The following ZNF727 variants were observed in gnomAD, a reference collection of about 807,000 sequenced individuals.
ZNF727 encodes the protein putative zinc finger protein 727.
A neutral mutation model predicts 11.5 loss-of-function variants in ZNF727; 11 were observed. That is an observed-to-expected ratio of 0.95 (90% confidence interval 0.60 to 1.58). The LOEUF (loss-of-function observed/expected upper bound fraction) is 1.58. Ranked by LOEUF, ZNF727 falls within the 40% of genes most tolerant of loss-of-function variation. The pLI is 0.00. For missense variants in ZNF727, 533 were observed against 581.7 expected (o/e 0.92, Z 0.86); for synonymous variants, 171 against 196.1 (o/e 0.87, Z 1.07).
chr7:64,062,801 ATT>A (rs1025177186), intron 1 of ZNF727, among the ~76,000 whole-genome samples: 1 of 139,508 alleles, frequency 7.2e-6, no homozygotes. Flanking sequence ...TCTTGAGGCT[ATT>A]TTTTTTTTGT....
Position 64,047,171 on chromosome 7 carries a change from A to G in ZNF727, c.3+1547A>G, listed in dbSNP as rs377342179. ...GTTTGGCAAGCAGGGTCTCAAATCCAAAACTTCTCCCAGCCTAACTGTTAT... is the reference window on the plus strand; with the variant it reads ...GTTTGGCAAGCAGGGTCTCAAATCCGAAACTTCTCCCAGCCTAACTGTTAT... On this transcript the variant is annotated intron_variant, in intron 1 of 3. Coordinates refer to ENST00000456806, the MANE Select transcript of ZNF727 (RefSeq NM_001159522.3). Among the ~76,000 whole-genome samples, 195 of 152,300 alleles carry G rather than the reference A, an allele frequency of 1.3e-3. 1 individual carries two copies. The highest frequency in any genetic ancestry group is 4.4e-3 in the African/African-American group (184 of 41,554).
chr7:64,077,565 C>A lies in ZNF727; in HGVS notation c.516C>A (p.Cys172Ter). The A allele has an allele frequency of 6.4e-7, 1 of 1,551,376 alleles. No individual in the cohort carries two copies. Among genetic ancestry groups the A allele is most frequent in the Non-Finnish European group, 8.7e-7 (1 of 1,146,794 alleles). The change falls in exon 4 of 4, where the codon TGC becomes TGA. Residue 172 changes from cysteine (C) to a stop codon, truncating the protein, a stop_gained. Transcript: ENST00000456806. LOFTEE classifies it low-confidence loss of function (END_TRUNC). ...AGAAAATTTTTAGCAGAGAGAAATG[C>A]TACAAATGTGAAGAATGTGGCAAAG... ...EHKKIFSREK[C>*]YKCEECGKDC...
intron 3 of ZNF727, among the ~76,000 whole-genome samples, chr7:64,072,053 T>G (rs1205525663): frequency 6.6e-6 from 1 of 152,210 alleles, no homozygotes; most frequent in African/African-American, 2.4e-5. Context: ...AAAACTGCTT[T>G]GGCTATTTAA....
rs1789486476 is a variant in ZNF727 at position 64,045,500 on chromosome 7, A to G, written c.-122A>G. On this transcript the variant is annotated 5_prime_UTR_variant, in exon 1 of 4. Coordinates refer to ENST00000456806, the MANE Select transcript of ZNF727 (RefSeq NM_001159522.3). ...GGCTCTGAGTCCAGTACCCGTCTGT[A>G]CTATTCCATCTCTTCCGCTCCATTA... The G allele has an allele frequency of 7.4e-7, 1 of 1,348,406 alleles. No individual in the cohort carries two copies. Among genetic ancestry groups the G allele is most frequent in the Non-Finnish European group, 1.0e-6 (1 of 962,562 alleles). 83.5% of individuals were successfully genotyped at this position (1,348,406 alleles called of 1,614,324 possible). A position where few individuals can be genotyped will look rare whatever the true frequency, so the allele number is the denominator to read the frequency against.
Position 64,080,892 on chromosome 7 carries a change from G to GTT in ZNF727, c.*2353_*2354dup, listed in dbSNP as rs145426066. Among the ~76,000 whole-genome samples the GTT allele has an allele frequency of 1.5e-4, 21 of 139,618 alleles. No individual in the cohort carries two copies. Among genetic ancestry groups the GTT allele is most frequent in the Non-Finnish European group, 2.2e-4 (14 of 64,618 alleles). The allele number at this position is 139,618 out of a possible 152,430, so 91.6% of individuals were successfully genotyped here. A position where few individuals can be genotyped will look rare whatever the true frequency, so the allele number is the denominator to read the frequency against. ...TTTTTGTTTTTTGTTTTTTGTTTTT[G>GTT]TTTTTTTTTTTGTGGTGGTGGAGGG... On this transcript the variant is annotated 3_prime_UTR_variant, in exon 4 of 4. Transcript: ENST00000456806.
intron 1 of ZNF727, 46 bp from the exon 2 acceptor site, chr7:64,068,845 A>C: frequency 6.4e-7 from 1 of 1,552,778 alleles, no homozygotes; most frequent in Non-Finnish European, 8.7e-7. Flanking sequence ...ATGTCAAATC[A>C]AGAATTATTT....
chr7:64,076,382 G>A (rs536828227), intron 3 of ZNF727, among the ~76,000 whole-genome samples: 7 of 152,164 alleles, frequency 4.6e-5, no homozygotes, highest in African/African-American at 1.2e-4. Flanking sequence ...TGGTCCAGGC[G>A]GGCGGATCAC....
intron 1 of ZNF727, among the ~76,000 whole-genome samples, chr7:64,048,616 A>G (rs1188222301): frequency 2.0e-5 from 3 of 152,244 alleles, no homozygotes; most frequent in Non-Finnish European, 2.9e-5. Context: ...GCCACTATAC[A>G]TACATATCTT....
Position 64,083,217 on chromosome 7 carries a change from TC to T in ZNF727, c.*4670del, listed in dbSNP as rs1785820707. Among the ~76,000 whole-genome samples the T allele has an allele frequency of 6.6e-6, 1 of 152,146 alleles. No individual in the cohort carries two copies. The highest frequency in any genetic ancestry group is 6.5e-5 in the Admixed American group (1 of 15,286). ...AGAGCGCCTGTACTGTGCTAGGAGA[TC>T]CTTTCTGTCCCCGATCAGCTTGGGC... On this transcript the variant is annotated 3_prime_UTR_variant, in exon 4 of 4. Coordinates refer to ENST00000456806, the MANE Select transcript of ZNF727 (RefSeq NM_001159522.3).
At chr7:64,075,950 A>G (rs745785364) in intron 3 of ZNF727, among the ~76,000 whole-genome samples, 106 of 152,338 alleles carry the variant, frequency 7.0e-4, no homozygotes, top group Non-Finnish European at 2.1e-4. Context: ...TTTAAAATGC[A>G]TGGCTATCTA....
intron 1 of ZNF727, among the ~76,000 whole-genome samples, chr7:64,058,970 A>T: frequency 7.3e-6 from 1 of 136,378 alleles, no homozygotes; most frequent in East Asian, 3.0e-4. Flanking sequence ...TTTGAGACGG[A>T]GTCTCGATCA....
chr7:64,047,235 C>G (rs1430445629), intron 1 of ZNF727, among the ~76,000 whole-genome samples: 1 of 152,206 alleles, frequency 6.6e-6, no homozygotes, highest in African/African-American at 2.4e-5. Context: ...ATTTCTTTCC[C>G]ACATTCCCCA....
intron 1 of ZNF727, among the ~76,000 whole-genome samples, chr7:64,054,884 G>A (rs1415564417): frequency 6.6e-6 from 1 of 152,052 alleles, no homozygotes; most frequent in East Asian, 1.9e-4. Flanking sequence ...GATGTCTCTA[G>A]GATGTTACAA....
At chr7:64,063,828 A>G (rs937644605) in intron 1 of ZNF727, among the ~76,000 whole-genome samples, 3 of 152,090 alleles carry the variant, frequency 2.0e-5, no homozygotes, top group Non-Finnish European at 2.9e-5. Flanking sequence ...CTTAGCTGGC[A>G]CCGAAGCCAT....
chr7:64,078,270 C>T lies in ZNF727; in HGVS notation c.1221C>T (p.Cys407=). 1 of 1,598,692 alleles carries T rather than the reference C, an allele frequency of 6.3e-7. No individual in the cohort carries two copies. The highest frequency in any genetic ancestry group is 8.5e-7 in the Non-Finnish European group (1 of 1,172,432). Residue 407 remains cysteine (C), a synonymous_variant, in exon 4 of 4, where the codon TGC becomes TGT. Transcript: ENST00000456806. Reference sequence around the variant, plus strand: ...AAGAATGTGGCAAAAGCTTTACCTGCTCCTCAAACCTTATTAAACACAAGA... The same window carrying T: ...AAGAATGTGGCAAAAGCTTTACCTGTTCCTCAAACCTTATTAAACACAAGA... The part of the protein sequence containing the change: ...KCEECGKSFT[C]SSNLIKHKRI...
intron 1 of ZNF727, among the ~76,000 whole-genome samples, chr7:64,055,951 A>G (rs1240826697): frequency 2.6e-5 from 4 of 152,166 alleles, no homozygotes; most frequent in African/African-American, 2.4e-5. Flanking sequence ...TTTTCAAGAA[A>G]TGTCCACATT....
chr7:64,081,366 C>T lies in ZNF727; in HGVS notation c.*2817C>T, dbSNP rs148728997. Among the ~76,000 whole-genome samples the T allele has an allele frequency of 1.4e-4, 21 of 152,208 alleles. No homozygotes were observed. The highest frequency in any genetic ancestry group is 4.3e-4 in the African/African-American group (18 of 41,518). On this transcript the variant is annotated 3_prime_UTR_variant, in exon 4 of 4. Transcript: ENST00000456806. ...GGGTGGGGCTTTCTGGCTCTCTACCCGCCAAAGCTTCATCTACAATAGCAA... is the reference window on the plus strand; with the variant it reads ...GGGTGGGGCTTTCTGGCTCTCTACCTGCCAAAGCTTCATCTACAATAGCAA...
intron 1 of ZNF727, among the ~76,000 whole-genome samples, chr7:64,060,631 TTTTG>T (rs1789755469): frequency 6.6e-6 from 1 of 152,208 alleles, no homozygotes; most frequent in Admixed American, 6.5e-5. Flanking sequence ...GTTTTGTAAA[TTTTG>T]TTTATCTTTT....
intron 3 of ZNF727, among the ~76,000 whole-genome samples, chr7:64,076,999 G>A (rs1785676722): frequency 6.6e-6 from 1 of 152,186 alleles, no homozygotes. Context: ...AAGAATGGCT[G>A]TGGTGGGTAA....
Sources: allele counts gnomAD v4.1 joint callset (sites outside exome capture counted in the v4.1 genomes callset), GRCh38; gene constraint gnomAD v4.1.1; transcripts MANE v1.5; gene names NCBI Gene and HGNC (gene_info 2026-07-23, HGNC 2026-07-21).